The following KDM6A variants were observed in gnomAD, a reference collection of about 807,000 sequenced individuals.
KDM6A encodes the protein lysine-specific demethylase 6A.
Under a neutral mutation model 117.6 loss-of-function variants are expected in KDM6A, and 11 were observed. The ratio of observed to expected loss-of-function variants is 0.09; its 90% CI spans 0.06 to 0.15. The LOEUF (loss-of-function observed/expected upper bound fraction) is 0.15. Among genes scored for constraint, KDM6A ranks in the 10% least tolerant of loss-of-function variants. KDM6A has a pLI of 1.00. For synonymous variants in KDM6A, 384 were observed against 396.1 expected, an observed-to-expected ratio of 0.97 and a Z score of 0.36; for missense variants, 799 against 1,077.3, an observed-to-expected ratio of 0.74 and a Z score of 3.62.
At chrX:45,056,148 G>A (rs1345131706) in intron 10 of KDM6A, among the ~76,000 whole-genome samples, 1 of 111,120 alleles carries the variant, frequency 9.0e-6, no homozygotes, top group Non-Finnish European at 1.9e-5. Context: ...AATTTAACTT[G>A]GTTTCGGGTT....
intron 25 of KDM6A, among the ~76,000 whole-genome samples, chrX:45,087,013 C>T (rs968019517): frequency 8.0e-5 from 9 of 112,606 alleles, no homozygotes; most frequent in African/African-American, 2.6e-4. Flanking sequence ...TTTTTTAAGA[C>T]GGAGTCTTGC....
chrX:45,083,362 T>G, intron 23 of KDM6A, 98 bp from the exon 24 acceptor site: 1 of 814,219 alleles, frequency 1.2e-6, no homozygotes, highest in Non-Finnish European at 1.8e-6. Flanking sequence ...TAGACTTAAT[T>G]GTTTTTTCTG....
Position 44,958,604 on chromosome X carries a change from C to CTTTTTTTTTTTTTTTT in KDM6A, c.226-2670_226-2655dup, listed in dbSNP as rs34006049. ...TTCTGTGTGGGACAACTATATAGAC[C>CTTTTTTTTTTTTTTTT]TTTTTTTTTTTTTTTTTTTTTTTTT... On this transcript the variant is annotated intron_variant, in intron 2 of 29. Coordinates refer to ENST00000611820, the MANE Select transcript of KDM6A (RefSeq NM_001291415.2). Among the ~76,000 whole-genome samples, 10 of 56,453 alleles carry CTTTTTTTTTTTTTTTT rather than the reference C, an allele frequency of 1.8e-4. 3 individuals carry two copies. Among genetic ancestry groups the CTTTTTTTTTTTTTTTT allele is most frequent in the African/African-American group, 9.1e-4 (9 of 9,857 alleles). 49.0% of individuals were successfully genotyped at this position (56,453 alleles called of 115,157 possible).
At chrX:44,895,013 C>A (rs1287322180) in intron 2 of KDM6A, among the ~76,000 whole-genome samples, 2 of 110,935 alleles carry the variant, frequency 1.8e-5, no homozygotes, top group African/African-American at 6.5e-5. Context: ...GTGATCCACC[C>A]ACCTTGGCTT....
chrX:45,023,839 T>TA (rs199855464), intron 6 of KDM6A, among the ~76,000 whole-genome samples: 1,265 of 111,210 alleles, frequency 0.011, 13 homozygotes, highest in Middle Eastern at 0.037. Context: ...CTCATTCTTA[T>TA]ACCTTTGCAT....
rs1389723646 is a variant in KDM6A, at chrX:45,111,783, A to C, written c.*372A>C. The C allele has an allele frequency of 5.1e-6, 1 of 194,233 alleles. No individual in the cohort carries two copies. Among genetic ancestry groups the C allele is most frequent in the Non-Finnish European group, 9.6e-6 (1 of 104,580 alleles). 16.0% of individuals were successfully genotyped at this position (194,233 alleles called of 1,213,427 possible). On this transcript the variant is annotated 3_prime_UTR_variant, in exon 30 of 30. Transcript: ENST00000611820. ...CTTCAGAATTTTCCTTGGAAAAAAA[A>C]TACTAGCCTAGCTGGTCATTTCTTT...
At chrX:44,894,813 G>C (rs1695737262) in intron 2 of KDM6A, among the ~76,000 whole-genome samples, 1 of 104,197 alleles carries the variant, frequency 9.6e-6, no homozygotes, top group Non-Finnish European at 2.0e-5. Flanking sequence ...CGGGGCTCAG[G>C]CTGGAGTGCA....
intron 8 of KDM6A, among the ~76,000 whole-genome samples, chrX:45,047,372 C>CTT (rs551917538): frequency 1.1e-5 from 1 of 87,641 alleles, no homozygotes; most frequent in East Asian, 3.8e-4. Flanking sequence ...TAGATGCTTT[C>CTT]TTTTTTTTTT....
Position 45,022,906 on chromosome X carries a change from T to C in KDM6A, c.564+2176T>C, listed in dbSNP as rs186453414. On this transcript the variant is annotated intron_variant, in intron 6 of 29. Transcript: ENST00000611820. ...CAAGGATTCATTTTCTTCTCAGTTC[T>C]GTATTGGCTTTTTCTAAAGGCTGGT... Among the ~76,000 whole-genome samples the C allele has an allele frequency of 5.0e-4, 56 of 112,408 alleles. No individual in the cohort carries two copies. In the East Asian group the frequency reaches 0.014, roughly 28 times the overall value.
Position 44,898,943 on chromosome X carries a change from G to T in KDM6A, c.225+24956G>T, listed in dbSNP as rs190637018. ...TTCTTCTGCTTGGTGGTGGTGGTGG[G>T]GGGGTGTTAGATTAGCTGTATGCTT... is the stretch of plus-strand genomic sequence containing the variant. On this transcript the variant is annotated intron_variant, in intron 2 of 29. Coordinates refer to ENST00000611820, the MANE Select transcript of KDM6A (RefSeq NM_001291415.2). 9.5e-4 allele frequency among the ~76,000 whole-genome samples: 100 copies of T among 105,027 alleles called. 1 individual carries two copies. Among genetic ancestry groups the T allele is most frequent in the East Asian group, 4.0e-3 (13 of 3,272 alleles). The allele number at this position is 105,027 out of a possible 115,157, so 91.2% of individuals were successfully genotyped here. A position where few individuals can be genotyped will look rare whatever the true frequency, so the allele number is the denominator to read the frequency against.
intron 2 of KDM6A, among the ~76,000 whole-genome samples, chrX:44,887,045 C>T (rs1226382605): frequency 9.3e-6 from 1 of 107,196 alleles, no homozygotes; most frequent in Non-Finnish European, 1.9e-5. Flanking sequence ...GCCTCAGCCT[C>T]CCGAGTAGCT....
intron 2 of KDM6A, among the ~76,000 whole-genome samples, chrX:44,950,466 C>T (rs1469029567): frequency 1.8e-5 from 2 of 111,829 alleles, no homozygotes; most frequent in Middle Eastern, 4.6e-3. Context: ...TTATAATGTA[C>T]TTGAATGTAT....
intron 9 of KDM6A, 128 bp downstream of exon 9, chrX:45,051,930 C>A: frequency 4.5e-6 from 2 of 447,438 alleles, no homozygotes; most frequent in Non-Finnish European, 7.9e-6. Flanking sequence ...TATTCTGAAC[C>A]CAGCATATTT....
Position 45,078,412 on chromosome X carries a change from C to A in KDM6A, c.3001C>A (p.Arg1001Ser). The change falls in exon 20 of 30, where the codon CGT becomes AGT. Residue 1001 changes from arginine (R) to serine (S), a missense_variant. Arg to Ser is a moderately radical substitution (Grantham distance 110). Transcript: ENST00000611820. Reference sequence around the variant, plus strand: ...TTTAATTTTACAGTTGGAAAATAAACGTGATGCTTTCTTTCCTCCATTACA... The same window carrying A: ...TTTAATTTTACAGTTGGAAAATAAAAGTGATGCTTTCTTTCCTCCATTACA... The part of the protein sequence containing the change: ...PTPSIYLENK[R>S]DAFFPPLHQF... 1 of 1,207,765 alleles carries A rather than the reference C, an allele frequency of 8.3e-7. No individual in the cohort carries two copies. The highest frequency in any genetic ancestry group is 1.1e-6 in the Non-Finnish European group (1 of 893,538).
chrX:45,072,865 TAATATA>T (rs2044921132), intron 18 of KDM6A, among the ~76,000 whole-genome samples: 1 of 103,714 alleles, frequency 9.6e-6, no homozygotes, highest in African/African-American at 3.8e-5. Flanking sequence ...AAAAATATAA[TAATATA>T]TATATATATA....
chrX:45,046,981 ATGGTGGTGGTGG>A (rs375095336), intron 8 of KDM6A, among the ~76,000 whole-genome samples: 8 of 103,381 alleles, frequency 7.7e-5, no homozygotes, highest in Non-Finnish European at 1.4e-4. Flanking sequence ...GGTGGTGATG[ATGGTGGTGGTGG>A]TGGTGGTGGT....
At chrX:45,032,676 C>G (rs965107355) in intron 6 of KDM6A, among the ~76,000 whole-genome samples, 6 of 111,623 alleles carry the variant, frequency 5.4e-5, no homozygotes, top group African/African-American at 2.0e-4. Context: ...GTCTCGAACT[C>G]CTAACCTTAG....
chrX:44,977,091 A>G (rs2039650279), intron 4 of KDM6A, among the ~76,000 whole-genome samples: 1 of 111,467 alleles, frequency 9.0e-6, no homozygotes, highest in African/African-American at 3.3e-5. Context: ...TCAGCTTTGT[A>G]ACACAACTTT....
At chrX:45,043,498 C>T (rs1409462741) in intron 8 of KDM6A, among the ~76,000 whole-genome samples, 4 of 110,616 alleles carry the variant, frequency 3.6e-5, no homozygotes, top group African/African-American at 9.9e-5. Context: ...GTAGATTGGC[C>T]GGGTGTGGTG....
Sources: gnomAD v4.1 joint callset for allele counts (sites outside exome capture counted in the v4.1 genomes callset) on GRCh38, gnomAD v4.1.1 for gene constraint, MANE v1.5 for transcripts, NCBI Gene and HGNC (gene_info 2026-07-23, HGNC 2026-07-21) for gene names.